MCRIP1: variants seen among roughly 807,000 people sequenced by gnomAD.
MCRIP1 encodes mapk-regulated corepressor-interacting protein 1.
Under a neutral mutation model 14.4 loss-of-function variants are expected in MCRIP1, and 10 were observed. The observed-to-expected ratio is 0.70, with a 90% CI of 0.43 to 1.18. The LOEUF is 1.18. MCRIP1 is among the 50% of genes most tolerant of loss of function. The pLI is 0.00. For missense variants in MCRIP1, 119 were observed against 135.4 expected, an observed-to-expected ratio of 0.88 and a Z score of 0.60; for synonymous variants, 53 against 55.7, an observed-to-expected ratio of 0.95 and a Z score of 0.21.
intron 1 of MCRIP1, chr17:81,825,097 G>A (rs560956971): frequency 8.9e-5 from 90 of 1,012,664 alleles, no homozygotes; most frequent in Non-Finnish European, 6.9e-5. Flanking sequence ...ACCTACCCAG[G>A]TCCAGCTTCC....
At position 81,823,059 on chromosome 17, in the gene MCRIP1, G is replaced by A; in HGVS notation, c.*188C>T. 1 of 639,976 alleles carries A rather than the reference G, an allele frequency of 1.6e-6. No homozygotes were observed. Among genetic ancestry groups the A allele is most frequent in the Non-Finnish European group, 2.8e-6 (1 of 362,292 alleles). The allele number at this position is 639,976 out of a possible 1,614,324, so 39.6% of individuals were successfully genotyped here. ...GACCCCCATGATGGGGGCAGCCTGA[G>A]ACCCCCAAGGATGAAGGAAGGGGGC... is the stretch of plus-strand genomic sequence containing the variant. On this transcript the variant is annotated 3_prime_UTR_variant, in exon 5 of 5. Coordinates refer to ENST00000455127, the MANE Select transcript of MCRIP1 (RefSeq NM_207368.5). The surrounding 1 kb of genome is among the most constrained non-coding windows in gnomAD (Gnocchi z 6.0).
At position 81,826,143 on chromosome 17, in the gene MCRIP1, T is replaced by C. The variant is rs1005959767; in HGVS notation, c.-48-1589A>G. On this transcript the variant is annotated intron_variant, in intron 1 of 4. Coordinates refer to ENST00000455127, the MANE Select transcript of MCRIP1 (RefSeq NM_207368.5). ...CCTGGGATCCCCCTGCTGGGTTCGGTTGTCACTCCTGCCCCAGATCCCACT... is the reference window on the plus strand; with the variant it reads ...CCTGGGATCCCCCTGCTGGGTTCGGCTGTCACTCCTGCCCCAGATCCCACT... 7.4e-6 allele frequency: 11 copies of C among 1,488,150 alleles called. No homozygotes were observed. The African/African-American group carries it at 1.4e-4, about 19-fold the overall frequency. The allele number at this position is 1,488,150 out of a possible 1,614,324, so 92.2% of individuals were successfully genotyped here. A position where few individuals can be genotyped will look rare whatever the true frequency, so the allele number is the denominator to read the frequency against.
At chr17:81,832,197 A>G (rs1420473129) in intron 1 of MCRIP1, among the ~76,000 whole-genome samples, 1 of 152,150 alleles carries the variant, frequency 6.6e-6, no homozygotes, top group Non-Finnish European at 1.5e-5. Context: ...TGTCTTTTTC[A>G]GCCAACGAGG....
chr17:81,825,571 C>T (rs1344146981), intron 1 of MCRIP1: 8 of 1,288,718 alleles, frequency 6.2e-6, no homozygotes, highest in East Asian at 5.6e-5. Context: ...ACTGAGGCTT[C>T]GAGTCCTCTC....
chr17:81,824,441 C>G (rs2038344004), intron 2 of MCRIP1, 36 bp from the exon 3 acceptor site: 2 of 1,534,038 alleles, frequency 1.3e-6, no homozygotes, highest in East Asian at 4.9e-5. Flanking sequence ...GGGCACACAG[C>G]AGGGTGGGAG....
intron 1 of MCRIP1, chr17:81,826,797 G>A (rs1316320208): frequency 3.1e-4 from 37 of 119,860 alleles, no homozygotes; most frequent in Admixed American, 1.5e-3. Flanking sequence ...CAGCCTGGGC[G>A]ACAGAGCAAG....
In MCRIP1 at chr17:81,823,695, G is replaced by A. The variant is rs2038322167; in HGVS notation, c.128-182C>T. On this transcript the variant is annotated intron_variant, in intron 3 of 4. Transcript: ENST00000455127. This position sits in a 1 kb window ranked among gnomAD's most constrained non-coding sequence, Gnocchi z 6.0. ...TCACTCACCTGCAGACCCCGTCCCC[G>A]CTCCTCTGGCAGGCCTGTCCCTTCC... is the stretch of plus-strand genomic sequence containing the variant. 8.1e-6 allele frequency: 5 copies of A among 617,242 alleles called. No homozygotes were observed. Among genetic ancestry groups the A allele is most frequent in the East Asian group, 5.5e-5 (2 of 36,516 alleles). 38.2% of individuals were successfully genotyped at this position (617,242 alleles called of 1,614,324 possible).
Position 81,823,819 on chromosome 17 carries a change from T to C in MCRIP1, c.128-306A>G, listed in dbSNP as rs896697531. 13 of 570,552 alleles carry C rather than the reference T, an allele frequency of 2.3e-5. No individual in the cohort carries two copies. The highest frequency in any genetic ancestry group is 4.3e-5 in the South Asian group (2 of 46,172). The allele number at this position is 570,552 out of a possible 1,614,324, so 35.3% of individuals were successfully genotyped here. On this transcript the variant is annotated intron_variant, in intron 3 of 4. Transcript: ENST00000455127. This position sits in a 1 kb window ranked among gnomAD's most constrained non-coding sequence, Gnocchi z 6.0. ...AGCGCATCCTCCTCAGCTAGGCCTCTATCTTTCCCACCTCATCCACGCACC... is the reference window on the plus strand; with the variant it reads ...AGCGCATCCTCCTCAGCTAGGCCTCCATCTTTCCCACCTCATCCACGCACC...
At chr17:81,825,923 C>T (rs866739031) in intron 1 of MCRIP1, 7 of 1,295,470 alleles carry the variant, frequency 5.4e-6, no homozygotes, top group East Asian at 5.4e-5. Flanking sequence ...GGGAAGCTCC[C>T]GTTACAGAGA....
At chr17:81,824,864 C>T (rs1477025300) in intron 1 of MCRIP1, 103 of 1,266,154 alleles carry the variant, frequency 8.1e-5, no homozygotes, top group Non-Finnish European at 1.0e-4. Flanking sequence ...TCAGCCCCAG[C>T]ACCGGGAGCA....
chr17:81,830,290 T>C (rs1412512158), intron 1 of MCRIP1, among the ~76,000 whole-genome samples: 4 of 152,160 alleles, frequency 2.6e-5, no homozygotes, highest in Non-Finnish European at 4.4e-5. Flanking sequence ...TCCAATACGA[T>C]GATGGACAGG....
chr17:81,833,047 G>A (rs1459091841), intron 1 of MCRIP1, among the ~76,000 whole-genome samples, 191 bp downstream of exon 1: 1 of 150,616 alleles, frequency 6.6e-6, no homozygotes, highest in Non-Finnish European at 1.5e-5. Flanking sequence ...CGCGGGCCGC[G>A]CCCTCCTGCA....
chr17:81,824,789 C>A (rs1301929137), intron 1 of MCRIP1: 10 of 1,412,406 alleles, frequency 7.1e-6, no homozygotes, highest in Non-Finnish European at 8.3e-6. Flanking sequence ...ACACACACAA[C>A]TTGAAGCGAT....
chr17:81,824,219 C>T (rs1419969255), intron 3 of MCRIP1, 68 bp downstream of exon 3: 11 of 1,308,464 alleles, frequency 8.4e-6, no homozygotes, highest in Non-Finnish European at 1.2e-5. Flanking sequence ...GAGCGTGGGT[C>T]CTGGGCTGGG....
intron 1 of MCRIP1, among the ~76,000 whole-genome samples, chr17:81,829,081 G>T (rs1358176356): frequency 1.3e-5 from 2 of 152,202 alleles, no homozygotes; most frequent in African/African-American, 4.8e-5. Context: ...ACCATAGTGG[G>T]TGAGAGTGAG....
In MCRIP1 at chr17:81,823,675, C is replaced by T. The variant is rs913264806; in HGVS notation, c.128-162G>A. 8 of 639,808 alleles carry T rather than the reference C, an allele frequency of 1.3e-5. No homozygotes were observed. The highest frequency in any genetic ancestry group is 2.2e-5 in the Non-Finnish European group (8 of 363,684). The allele number at this position is 639,808 out of a possible 1,614,324, so 39.6% of individuals were successfully genotyped here. ...GCCCTCTGCCCACCCCAGCCTCACTCACCTGCAGACCCCGTCCCCGCTCCT... is the reference window on the plus strand; with the variant it reads ...GCCCTCTGCCCACCCCAGCCTCACTTACCTGCAGACCCCGTCCCCGCTCCT... On this transcript the variant is annotated intron_variant, in intron 3 of 4. Transcript: ENST00000455127. This position sits in a 1 kb window ranked among gnomAD's most constrained non-coding sequence, Gnocchi z 6.0.
In MCRIP1 at chr17:81,823,825, T is replaced by C; in HGVS notation, c.128-312A>G. ...TCCTCCTCAGCTAGGCCTCTATCTT[T>C]CCCACCTCATCCACGCACCTCCCCG... On this transcript the variant is annotated intron_variant, in intron 3 of 4. Transcript: ENST00000455127. This position sits in a 1 kb window ranked among gnomAD's most constrained non-coding sequence, Gnocchi z 6.0. The C allele has an allele frequency of 1.8e-6, 1 of 563,994 alleles. No homozygotes were observed. The highest frequency in any genetic ancestry group is 3.0e-5 in the East Asian group (1 of 33,658). 34.9% of individuals were successfully genotyped at this position (563,994 alleles called of 1,614,324 possible).
chr17:81,827,523 G>A (rs2038432973), intron 1 of MCRIP1, among the ~76,000 whole-genome samples: 1 of 151,638 alleles, frequency 6.6e-6, no homozygotes, highest in Admixed American at 6.6e-5. Flanking sequence ...CACCCACCTG[G>A]GCCTCCCAAA....
chr17:81,824,594 C>T (rs904382496), intron 1 of MCRIP1, 40 bp from the exon 2 acceptor site: 1 of 1,535,692 alleles, frequency 6.5e-7, no homozygotes, highest in Non-Finnish European at 8.7e-7. Flanking sequence ...CGCAGGGCCA[C>T]CCTCTCCAGC....
Sources: allele counts gnomAD v4.1 joint callset (sites outside exome capture counted in the v4.1 genomes callset), GRCh38; gene constraint gnomAD v4.1.1; non-coding constraint Gnocchi (gnomAD v3.1); transcripts MANE v1.5; gene names NCBI Gene and HGNC (gene_info 2026-07-23, HGNC 2026-07-21).